Variants in SORCS3 observed in about 807,000 individuals in gnomAD.
SORCS3 encodes VPS10 domain-containing receptor SorCS3.
Under a neutral mutation model 146.3 loss-of-function variants are expected in SORCS3, and 57 were observed. That is an observed-to-expected ratio of 0.39 (90% CI 0.31 to 0.49). SORCS3 has a LOEUF of 0.49. SORCS3 is among the 20% of genes least tolerant of loss of function. The pLI, the probability that SORCS3 is intolerant of heterozygous loss-of-function variation, is 0.92. For synonymous variants in SORCS3, 653 were observed against 618.5 expected, an observed-to-expected ratio of 1.06 and a Z score of -0.83; for missense variants, 1,341 against 1,575.5, an observed-to-expected ratio of 0.85 and a Z score of 2.52.
At chr10:105,046,472 A>T (rs2055372265) in intron 5 of SORCS3, among the ~76,000 whole-genome samples, 1 of 152,058 alleles carries the variant, frequency 6.6e-6, no homozygotes, top group South Asian at 2.1e-4. Context: ...GTGATTTCTG[A>T]CGAGGACACA....
intron 6 of SORCS3, among the ~76,000 whole-genome samples, chr10:105,104,168 A>G (rs2055805525): frequency 6.6e-6 from 1 of 152,206 alleles, no homozygotes; most frequent in Non-Finnish European, 1.5e-5. Flanking sequence ...ATGTGCACAT[A>G]CAAGGAAACA....
intron 25 of SORCS3, among the ~76,000 whole-genome samples, chr10:105,261,399 G>A (rs1285312611): frequency 6.6e-6 from 1 of 152,106 alleles, no homozygotes; most frequent in Admixed American, 6.5e-5. Context: ...TCAAAATTTG[G>A]GTCTCCAACT....
At chr10:104,765,333 G>T (rs1249839347) in intron 1 of SORCS3, among the ~76,000 whole-genome samples, 1 of 152,192 alleles carries the variant, frequency 6.6e-6, no homozygotes. Context: ...CCAACATGAA[G>T]AAATGAGGAG....
intron 18 of SORCS3, 71 bp downstream of exon 18, chr10:105,214,684 C>T: frequency 7.2e-7 from 1 of 1,396,270 alleles, no homozygotes; most frequent in Non-Finnish European, 9.6e-7. Flanking sequence ...AGAAGAAGAT[C>T]TTACATTCCC....
Position 104,779,352 on chromosome 10 carries a change from C to A in SORCS3, c.628-63440C>A, listed in dbSNP as rs115842574. On this transcript the variant is annotated intron_variant, in intron 1 of 26. Coordinates refer to ENST00000369701, the MANE Select transcript of SORCS3 (RefSeq NM_014978.3). ...TGGCCTCATATCCAGAGATGCTGAG[C>A]TCTGTGCCAGGCATTGCAGAGTGAC... Among the ~76,000 whole-genome samples the A allele has an allele frequency of 8.6e-3, 1,305 of 152,294 alleles. 15 individuals carry two copies. The highest frequency in any genetic ancestry group is 0.03 in the African/African-American group (1,236 of 41,556).
At chr10:104,845,142 TG>T (rs1297938290) in intron 2 of SORCS3, among the ~76,000 whole-genome samples, 1 of 152,184 alleles carries the variant, frequency 6.6e-6, no homozygotes, top group Non-Finnish European at 1.5e-5. Flanking sequence ...TTCCTCTCTC[TG>T]GTCATAGGTC....
intron 4 of SORCS3, among the ~76,000 whole-genome samples, chr10:105,007,235 T>A (rs891095661): frequency 1.3e-5 from 2 of 152,218 alleles, no homozygotes; most frequent in Non-Finnish European, 2.9e-5. Context: ...TGTGCAGCCC[T>A]GTGTTCAGTG....
At position 105,175,729 on chromosome 10, in the gene SORCS3, AT is replaced by A. The variant is rs527465134; in HGVS notation, c.1902-2330del. Among the ~76,000 whole-genome samples, 251 of 152,274 alleles carry A rather than the reference AT, an allele frequency of 1.6e-3. 6 individuals are homozygous for A. The South Asian group carries it at 0.044, about 27-fold the overall frequency. The stretch of plus-strand genomic sequence containing the variant: ...TAAATGATTATTTAGCCTTCAATAT[AT>A]TTTTTTAAAAGGCTGAAATAATCAA... On this transcript the variant is annotated intron_variant, in intron 13 of 26. Coordinates refer to ENST00000369701, the MANE Select transcript of SORCS3 (RefSeq NM_014978.3).
At chr10:104,808,227 G>A (rs572802235) in intron 1 of SORCS3, among the ~76,000 whole-genome samples, 117 of 152,302 alleles carry the variant, frequency 7.7e-4, no homozygotes, top group African/African-American at 2.6e-3. Flanking sequence ...AGTTGGTGAA[G>A]GACATCAGAG....
intron 5 of SORCS3, among the ~76,000 whole-genome samples, chr10:105,052,293 A>G (rs1207643760): frequency 6.6e-6 from 1 of 152,152 alleles, no homozygotes; most frequent in East Asian, 1.9e-4. Context: ...CAAAAATTCC[A>G]TAGTGCACAT....
At chr10:104,908,060 T>G (rs1043647332) in intron 2 of SORCS3, among the ~76,000 whole-genome samples, 2 of 152,226 alleles carry the variant, frequency 1.3e-5, no homozygotes, top group African/African-American at 4.8e-5. Flanking sequence ...TGGGAACTCC[T>G]GACGCTGACC....
At chr10:104,796,433 C>T (rs937764873) in intron 1 of SORCS3, among the ~76,000 whole-genome samples, 2 of 142,338 alleles carry the variant, frequency 1.4e-5, no homozygotes, top group Non-Finnish European at 3.1e-5. Flanking sequence ...AGTTGATAAT[C>T]TCCATTTTTT....
At chr10:104,972,628 G>A (rs1339707286) in intron 3 of SORCS3, among the ~76,000 whole-genome samples, 1 of 152,012 alleles carries the variant, frequency 6.6e-6, no homozygotes, top group East Asian at 1.9e-4. Context: ...ATGGGGGAGA[G>A]AGAGAGAAAG....
At chr10:105,263,160 C>G in intron 26 of SORCS3, 150 bp from the exon 27 acceptor site, 1 of 647,414 alleles carries the variant, frequency 1.5e-6, no homozygotes, top group Admixed American at 2.7e-5. Context: ...AGTCAGTGAG[C>G]TGATAGGTAA....
rs76249796 is a variant in SORCS3, at chr10:104,732,347, C to G, written c.627+90393C>G. On this transcript the variant is annotated intron_variant, in intron 1 of 26. Coordinates refer to ENST00000369701, the MANE Select transcript of SORCS3 (RefSeq NM_014978.3). ...AGAAACAGAAGCATGAGGTCAGGGC[C>G]ATTGTTACATCAGTGTTCTCTGTTG... Among the ~76,000 whole-genome samples the G allele has an allele frequency of 1.2e-4, 19 of 152,282 alleles. No individual in the cohort carries two copies. The East Asian group carries it at 2.7e-3, about 22-fold the overall frequency.
At chr10:104,904,675 C>A (rs957999879) in intron 2 of SORCS3, among the ~76,000 whole-genome samples, 3 of 151,462 alleles carry the variant, frequency 2.0e-5, no homozygotes, top group African/African-American at 7.3e-5. Context: ...AAAATCAGGA[C>A]CCAAATTCTA....
intron 1 of SORCS3, among the ~76,000 whole-genome samples, chr10:104,709,369 G>A (rs1305701753): frequency 3.9e-5 from 6 of 152,198 alleles, no homozygotes; most frequent in Admixed American, 3.9e-4. Context: ...TCCAGAAGAA[G>A]TTGAAGTCTG....
Position 104,987,164 on chromosome 10 carries a change from A to C in SORCS3, c.954+9671A>C, listed in dbSNP as rs552646534. Among the ~76,000 whole-genome samples, 247 of 152,218 alleles carry C rather than the reference A, an allele frequency of 1.6e-3. 1 individual carries two copies. The highest frequency in any genetic ancestry group is 3.1e-3 in the Non-Finnish European group (208 of 68,002). ...GTATGCAAAAAATAAGGTAAGGTAA[A>C]GAAAGGAAGGAATGAAGGACGGAAC... On this transcript the variant is annotated intron_variant, in intron 4 of 26. Coordinates refer to ENST00000369701, the MANE Select transcript of SORCS3 (RefSeq NM_014978.3).
Position 105,214,423 on chromosome 10 carries a change from A to C in SORCS3, c.2376-19A>C. On this transcript the variant is annotated intron_variant, in intron 17 of 26. Coordinates refer to ENST00000369701, the MANE Select transcript of SORCS3 (RefSeq NM_014978.3). ...AACACAATCAACACAAACCACTATC[A>C]ATTGTCAATTCTACTTAGGTATCGG... The C allele has an allele frequency of 1.2e-6, 2 of 1,613,682 alleles. No individual in the cohort carries two copies. Among genetic ancestry groups the C allele is most frequent in the Non-Finnish European group, 1.7e-6 (2 of 1,179,698 alleles).
Sources: allele counts gnomAD v4.1 joint callset (sites outside exome capture counted in the v4.1 genomes callset), GRCh38; gene constraint gnomAD v4.1.1; transcripts MANE v1.5; gene names NCBI Gene and HGNC (gene_info 2026-07-23, HGNC 2026-07-21).